IL18BP: variants seen among roughly 807,000 people sequenced by gnomAD.
IL18BP encodes the protein interleukin 18 binding protein.
In IL18BP, 23 loss-of-function variants were observed where a neutral mutation model predicts 19.9. The ratio of observed to expected loss-of-function variants is 1.15; its 90% CI spans 0.83 to 1.64. The LOEUF (loss-of-function observed/expected upper bound fraction) is 1.64, where lower values mean the gene tolerates loss of function less well. Among genes scored for constraint, IL18BP ranks in the 40% most tolerant of loss-of-function variants. IL18BP has a pLI of 0.00. For synonymous variants in IL18BP, 107 were observed against 101.0 expected, an observed-to-expected ratio of 1.06 and a Z score of -0.35; for missense variants, 239 against 240.7, an observed-to-expected ratio of 0.99 and a Z score of 0.05.
chr11:72,000,264 C>T (rs1955139626), intron 2 of IL18BP, 87 bp from the exon 3 acceptor site: 6 of 1,241,992 alleles, frequency 4.8e-6, no homozygotes, highest in Non-Finnish European at 7.0e-6. Context: ...GGCTAGAACC[C>T]AGACATCTCT....
intron 2 of IL18BP, 64 bp from the exon 3 acceptor site, chr11:72,000,287 C>T: frequency 7.0e-7 from 1 of 1,428,614 alleles, no homozygotes; most frequent in Non-Finnish European, 9.8e-7. Flanking sequence ...GCTGGAGTTA[C>T]ATCCTTACCC....
At chr11:72,004,718 G>C (rs367669125), downstream of IL18BP, 3 of 1,613,604 alleles carry the variant, frequency 1.9e-6, no homozygotes, top group African/African-American at 4.0e-5. Flanking sequence ...CAGTGCCCTC[G>C]GCTATCTGGA....
In IL18BP at chr11:72,002,048, GCCT is replaced by G. The variant is rs1955281327; in HGVS notation, c.*191_*193del. 1 of 797,296 alleles carries G rather than the reference GCCT, an allele frequency of 1.3e-6. No homozygotes were observed. Among genetic ancestry groups the G allele is most frequent in the Non-Finnish European group, 2.0e-6 (1 of 499,044 alleles). 49.4% of individuals were successfully genotyped at this position (797,296 alleles called of 1,614,324 possible). ...ATTCCCACCTACCTAGAAAATCACA[GCCT>G]CCTTATAATGCCTCCTCCTCCTGCC... On this transcript the variant is annotated 3_prime_UTR_variant, in exon 6 of 6. Transcript: ENST00000393703.
At chr11:72,004,119 G>A (rs372600045), downstream of IL18BP, 108 of 1,612,686 alleles carry the variant, frequency 6.7e-5, no homozygotes, top group Non-Finnish European at 8.4e-5. Flanking sequence ...AGGGCTGTCA[G>A]ACCGGGAGAC....
downstream of IL18BP, chr11:72,005,996 C>A (rs778575142): frequency 1.5e-5 from 23 of 1,486,840 alleles, no homozygotes; most frequent in South Asian, 2.4e-5. Flanking sequence ...ACCTTCCAGT[C>A]TAATTTTGGG....
Position 72,000,342 on chromosome 11 carries a change from T to G in IL18BP, c.29-9T>G. On this transcript the variant is annotated splice_polypyrimidine_tract_variant and intron_variant, in intron 2 of 5. Transcript: ENST00000393703. ...CAGAGCCGCTGACCTGTAACTGTCC[T>G]TTCCTCAGACCTCAGCCCTTTGTGG... The G allele has an allele frequency of 6.2e-7, 1 of 1,613,048 alleles. No individual in the cohort carries two copies.
chr11:72,001,618 G>A (rs1474689200), intron 5 of IL18BP, 66 bp downstream of exon 5: 4 of 1,589,668 alleles, frequency 2.5e-6, no homozygotes, highest in Non-Finnish European at 3.4e-6. Flanking sequence ...GGGGAGGAAA[G>A]GGTGGGCTCT....
At chr11:72,004,369 C>T, downstream of IL18BP, 1 of 1,592,778 alleles carries the variant, frequency 6.3e-7, no homozygotes. Flanking sequence ...GTTAGGCAGA[C>T]AGTAGCAAGA....
At position 72,000,014 on chromosome 11, in the gene IL18BP, T is replaced by C. The variant is rs778138713; in HGVS notation, c.28+2T>C. The C allele has an allele frequency of 1.2e-6, 2 of 1,613,878 alleles. No homozygotes were observed. The highest frequency in any genetic ancestry group is 1.7e-5 in the Admixed American group (1 of 60,008). ...CCATGAGACACAACTGGACACCAGGTAGGCCTTGGGGCTACGCATGGGCAG... is the reference window on the plus strand; with the variant it reads ...CCATGAGACACAACTGGACACCAGGCAGGCCTTGGGGCTACGCATGGGCAG... On this transcript the variant is annotated splice_donor_variant, in intron 2 of 5. Transcript: ENST00000393703. LOFTEE classifies it high-confidence loss of function.
chr11:72,004,530 A>G (rs1590850769), downstream of IL18BP: 2 of 1,284,188 alleles, frequency 1.6e-6, no homozygotes, highest in East Asian at 4.7e-5. Flanking sequence ...GAGAGAGGGA[A>G]AGAGAGGGGG....
At chr11:72,007,502 G>A (rs1375483941), downstream of IL18BP, 14 of 1,572,152 alleles carry the variant, frequency 8.9e-6, no homozygotes, top group Non-Finnish European at 1.2e-5. Flanking sequence ...AGCCCTTTTT[G>A]AAAGTGACCA....
At chr11:72,006,074 G>T (rs745625793), downstream of IL18BP, 2 of 1,613,920 alleles carry the variant, frequency 1.2e-6, no homozygotes, top group South Asian at 1.1e-5. Context: ...TGGGAACGAC[G>T]AGCAGAACTG....
At chr11:71,999,437 C>A in intron 1 of IL18BP, 1 of 239,722 alleles carries the variant, frequency 4.2e-6, no homozygotes, top group South Asian at 4.5e-5. Context: ...ATTAGAGATC[C>A]CAGTCTGGTA....
intron 4 of IL18BP, 26 bp from the exon 5 acceptor site, chr11:72,001,379 T>A: frequency 6.2e-7 from 1 of 1,614,174 alleles, no homozygotes; most frequent in Non-Finnish European, 8.5e-7. Flanking sequence ...GGCCTTCTCA[T>A]GACCTTTCCT....
rs554527150 is a variant in IL18BP, at chr11:72,002,181, G to C, written c.*320G>C. 1.2e-4 allele frequency: 48 copies of C among 393,504 alleles called. No individual in the cohort carries two copies. In the East Asian group the frequency reaches 2.0e-3, roughly 16 times the overall value. The allele number at this position is 393,504 out of a possible 1,614,324, so 24.4% of individuals were successfully genotyped here. A position where few individuals can be genotyped will look rare whatever the true frequency, so the allele number is the denominator to read the frequency against. On this transcript the variant is annotated 3_prime_UTR_variant, in exon 6 of 6. Transcript: ENST00000393703. ...GTTGATGCCTTAGCCTTGCACTCCA[G>C]GGCCCTACCTGCATTTCCCACATGA...
At chr11:72,007,841 C>T (rs2134574331), downstream of IL18BP, 1 of 350,294 alleles carries the variant, frequency 2.9e-6, no homozygotes, top group South Asian at 2.4e-5. Flanking sequence ...TTGGCGAGCC[C>T]AATCACCAAG....
chr11:72,001,778 C>T lies in IL18BP; in HGVS notation c.508-6C>T. 6.2e-7 allele frequency: 1 copy of T among 1,614,130 alleles called. No homozygotes were observed. Among genetic ancestry groups the T allele is most frequent in the Non-Finnish European group, 8.5e-7 (1 of 1,179,994 alleles). On this transcript the variant is annotated splice_polypyrimidine_tract_variant and splice_region_variant and intron_variant, in intron 5 of 5. Coordinates refer to ENST00000393703, the MANE Select transcript of IL18BP (RefSeq NM_001039660.2). Reference sequence around the variant, plus strand: ...GCCTGATCCTTGTCTGCCTTCACTTCCCTAGGCTGGGCTGAGGGCAACCTT... The same window carrying T: ...GCCTGATCCTTGTCTGCCTTCACTTTCCTAGGCTGGGCTGAGGGCAACCTT...
chr11:72,001,914 C>T lies in IL18BP; in HGVS notation c.*53C>T, dbSNP rs1269730903. Reference sequence around the variant, plus strand: ...AACCTTGACCAGAGCTTGGGTCCTACCTGTCTACCTGGAGTGAACAGTCCC... The same window carrying T: ...AACCTTGACCAGAGCTTGGGTCCTATCTGTCTACCTGGAGTGAACAGTCCC... On this transcript the variant is annotated 3_prime_UTR_variant, in exon 6 of 6. Coordinates refer to ENST00000393703, the MANE Select transcript of IL18BP (RefSeq NM_001039660.2). 3 of 1,610,450 alleles carry T rather than the reference C, an allele frequency of 1.9e-6. No individual in the cohort carries two copies. The highest frequency in any genetic ancestry group is 2.5e-6 in the Non-Finnish European group (3 of 1,178,246).
At chr11:72,000,215 G>C (rs1468713313) in intron 2 of IL18BP, 136 bp from the exon 3 acceptor site, 1 of 890,526 alleles carries the variant, frequency 1.1e-6, no homozygotes, top group Non-Finnish European at 1.8e-6. Flanking sequence ...GGGCTAAGGG[G>C]TGGGTGCTGA....
Sources: allele counts gnomAD v4.1 joint callset, GRCh38; gene constraint gnomAD v4.1.1; transcripts MANE v1.5; gene names NCBI Gene and HGNC (gene_info 2026-07-23, HGNC 2026-07-21).